Variants in ZMAT4 observed in about 807,000 individuals in gnomAD.
ZMAT4 encodes zinc finger matrin-type protein 4.
In ZMAT4, 17 loss-of-function variants were observed where a neutral mutation model predicts 28.7. The ratio of observed to expected loss-of-function variants is 0.59; its 90% confidence interval spans 0.41 to 0.89. The LOEUF (loss-of-function observed/expected upper bound fraction) is 0.89, where lower values mean the gene tolerates loss of function less well. ZMAT4 is among the 40% of genes least tolerant of loss of function. ZMAT4 has a pLI of 0.00. For missense variants in ZMAT4, 240 were observed against 283.8 expected, an observed-to-expected ratio of 0.85 and a Z score of 1.11; for synonymous variants, 117 against 109.2, an observed-to-expected ratio of 1.07 and a Z score of -0.44.
chr8:40,532,928 A>G (rs903550633), intron 6 of ZMAT4, among the ~76,000 whole-genome samples: 4 of 151,802 alleles, frequency 2.6e-5, no homozygotes, highest in African/African-American at 9.7e-5. Context: ...TGATGCAGTG[A>G]GCCGAGATCG....
intron 6 of ZMAT4, among the ~76,000 whole-genome samples, chr8:40,538,420 C>T (rs1020380313): frequency 1.3e-5 from 2 of 152,134 alleles, no homozygotes; most frequent in Non-Finnish European, 2.9e-5. Flanking sequence ...CTCTTGCCTC[C>T]CTAAAATGTG....
intron 5 of ZMAT4, among the ~76,000 whole-genome samples, chr8:40,666,500 AT>A (rs1808420442): frequency 6.6e-6 from 1 of 152,162 alleles, no homozygotes; most frequent in Non-Finnish European, 1.5e-5. Flanking sequence ...GAATAACACA[AT>A]TTCACAGGGT....
At chr8:40,538,270 G>A (rs534087549) in intron 6 of ZMAT4, among the ~76,000 whole-genome samples, 1 of 152,098 alleles carries the variant, frequency 6.6e-6, no homozygotes, top group Admixed American at 6.5e-5. Context: ...TTAATCCCAG[G>A]TCTTTAGACA....
intron 3 of ZMAT4, among the ~76,000 whole-genome samples, chr8:40,761,459 C>G (rs1255659576): frequency 6.6e-6 from 1 of 152,090 alleles, no homozygotes; most frequent in Non-Finnish European, 1.5e-5. Context: ...TGGTACAAAT[C>G]TTCCAGAGCC....
intron 5 of ZMAT4, among the ~76,000 whole-genome samples, chr8:40,655,831 A>C (rs528143789): frequency 4.9e-4 from 74 of 152,278 alleles, no homozygotes; most frequent in African/African-American, 1.6e-3. Context: ...AAATGTAAGA[A>C]GTAAAACTAT....
At chr8:40,745,376 C>T (rs2150539191) in intron 3 of ZMAT4, among the ~76,000 whole-genome samples, 1 of 152,260 alleles carries the variant, frequency 6.6e-6, no homozygotes, top group Non-Finnish European at 1.5e-5. Flanking sequence ...AAGCAAACTA[C>T]AAGCAAGTAA....
chr8:40,691,051 C>A (rs1809639763), intron 4 of ZMAT4: 1 of 331,890 alleles, frequency 3.0e-6, no homozygotes. Flanking sequence ...TTCAGTAGAC[C>A]AGCAAATACC....
chr8:40,864,413 G>C (rs1033526002), intron 1 of ZMAT4, among the ~76,000 whole-genome samples: 1 of 152,222 alleles, frequency 6.6e-6, no homozygotes, highest in East Asian at 1.9e-4. Context: ...TAATGCTGGG[G>C]TGTCACGCAA....
chr8:40,848,416 A>C (rs1409718916), intron 1 of ZMAT4, among the ~76,000 whole-genome samples: 1 of 152,192 alleles, frequency 6.6e-6, no homozygotes, highest in Non-Finnish European at 1.5e-5. Flanking sequence ...TCACTGAAAA[A>C]ACATAGTGAT....
Position 40,674,102 on chromosome 8 carries a change from TTTA to T in ZMAT4, c.577+599_577+601del, listed in dbSNP as rs1394807694. ...CATCTTTTTTTTTTTTTTTTTTTTT[TTTA>T]AATTTTTGAGACAGAGTCTCACTCT... is the stretch of plus-strand genomic sequence containing the variant. On this transcript the variant is annotated intron_variant, in intron 5 of 6. Coordinates refer to ENST00000297737, the MANE Select transcript of ZMAT4 (RefSeq NM_024645.3). Among the ~76,000 whole-genome samples the T allele has an allele frequency of 3.9e-3, 507 of 128,998 alleles. 4 individuals are homozygous for T. The highest frequency in any genetic ancestry group is 0.012 in the Middle Eastern group (3 of 252). The allele number at this position is 128,998 out of a possible 152,430, so 84.6% of individuals were successfully genotyped here.
chr8:40,652,943 G>C (rs1011187379), intron 5 of ZMAT4, among the ~76,000 whole-genome samples: 1 of 126,032 alleles, frequency 7.9e-6, no homozygotes, highest in South Asian at 3.1e-4. Context: ...TGGGGTGGGG[G>C]GAGGGGTGAG....
chr8:40,784,337 C>T lies in ZMAT4; in HGVS notation c.103-16607G>A, dbSNP rs542389864. On this transcript the variant is annotated intron_variant, in intron 2 of 6. Transcript: ENST00000297737. ...GAAAAACTGCATATCTAAATCAATGCGGAAAAATCATTTGACAAAATCCGG... is the reference window on the plus strand; with the variant it reads ...GAAAAACTGCATATCTAAATCAATGTGGAAAAATCATTTGACAAAATCCGG... Among the ~76,000 whole-genome samples the T allele has an allele frequency of 4.7e-4, 72 of 152,120 alleles. 1 individual carries two copies. In the South Asian group the frequency reaches 0.013, roughly 28 times the overall value.
chr8:40,588,296 AG>A (rs1804735904), intron 5 of ZMAT4, among the ~76,000 whole-genome samples: 1 of 152,060 alleles, frequency 6.6e-6, no homozygotes, highest in Non-Finnish European at 1.5e-5. Context: ...AAAAAGCAAA[AG>A]CTTCTGTCTG....
chr8:40,873,496 A>T (rs1012991990), intron 1 of ZMAT4, among the ~76,000 whole-genome samples: 2 of 152,008 alleles, frequency 1.3e-5, no homozygotes, highest in Non-Finnish European at 2.9e-5. Context: ...GGCTTTGGGG[A>T]GTGAAAGACC....
rs138366020 is a variant in ZMAT4, at chr8:40,804,704, G to A, written c.102+20871C>T. Among the ~76,000 whole-genome samples the A allele has an allele frequency of 8.2e-3, 1,246 of 152,094 alleles. 16 individuals are homozygous for A. The highest frequency in any genetic ancestry group is 0.028 in the African/African-American group (1,166 of 41,494). On this transcript the variant is annotated intron_variant, in intron 2 of 6. Transcript: ENST00000297737. ...TAAAAATACAAAATTAGCTGGGTGTGGTGGCGCATACCTATAATCCCAGCT... is the reference window on the plus strand; with the variant it reads ...TAAAAATACAAAATTAGCTGGGTGTAGTGGCGCATACCTATAATCCCAGCT...
intron 3 of ZMAT4, 149 bp from the exon 4 acceptor site, chr8:40,697,550 C>T: frequency 1.1e-6 from 1 of 906,482 alleles, no homozygotes; most frequent in East Asian, 3.0e-5. Context: ...TTTCTACTCT[C>T]TTCTTTTTTA....
At chr8:40,662,455 G>A (rs1396882018) in intron 5 of ZMAT4, among the ~76,000 whole-genome samples, 2 of 152,152 alleles carry the variant, frequency 1.3e-5, no homozygotes, top group African/African-American at 2.4e-5. Context: ...TCCTGCTTGA[G>A]TTTGCCCACA....
chr8:40,556,644 C>T (rs889817476), intron 6 of ZMAT4, among the ~76,000 whole-genome samples: 1 of 152,172 alleles, frequency 6.6e-6, no homozygotes. Context: ...AAACCAACTT[C>T]CCACCTGCTG....
chr8:40,643,350 T>C (rs1807139604), intron 5 of ZMAT4, among the ~76,000 whole-genome samples: 1 of 152,202 alleles, frequency 6.6e-6, no homozygotes, highest in Non-Finnish European at 1.5e-5. Context: ...TGAAGCATGC[T>C]TTGCCTACAA....
Sources: allele counts gnomAD v4.1 joint callset (sites outside exome capture counted in the v4.1 genomes callset), GRCh38; gene constraint gnomAD v4.1.1; transcripts MANE v1.5; gene names NCBI Gene and HGNC (gene_info 2026-07-23, HGNC 2026-07-21).